The following STXBP5L variants were observed in gnomAD, a reference collection of about 807,000 sequenced individuals.
The protein encoded by STXBP5L is syntaxin-binding protein 5-like.
STXBP5L carries 65 observed loss-of-function variants against 144.5 expected under a neutral mutation model. The observed-to-expected ratio is 0.45, with a 90% CI of 0.37 to 0.55. The LOEUF (loss-of-function observed/expected upper bound fraction) is 0.55. Ranked by LOEUF, STXBP5L falls within the 20% of genes least tolerant of loss-of-function variation. The pLI is 0.00. For missense variants in STXBP5L, 1,298 were observed against 1,405.5 expected, an observed-to-expected ratio of 0.92 and a Z score of 1.22; for synonymous variants, 505 against 469.6, an observed-to-expected ratio of 1.08 and a Z score of -0.97.
intron 14 of STXBP5L, among the ~76,000 whole-genome samples, chr3:121,244,805 C>T (rs539867902): frequency 6.6e-6 from 1 of 151,774 alleles, no homozygotes; most frequent in Non-Finnish European, 1.5e-5. Flanking sequence ...AGAAAAAAAA[C>T]CCCACCAACT....
At chr3:120,952,258 G>A (rs1338885569) in intron 2 of STXBP5L, among the ~76,000 whole-genome samples, 1 of 152,022 alleles carries the variant, frequency 6.6e-6, no homozygotes, top group Non-Finnish European at 1.5e-5. Flanking sequence ...AGATTGCATT[G>A]ATTTTAATAT....
chr3:120,997,158 A>G (rs1185857992), intron 3 of STXBP5L, among the ~76,000 whole-genome samples: 13 of 152,130 alleles, frequency 8.5e-5, no homozygotes, highest in Non-Finnish European at 1.9e-4. Context: ...TCCATGGTGT[A>G]TATGTATCAC....
intron 3 of STXBP5L, among the ~76,000 whole-genome samples, chr3:120,982,692 G>T (rs1941901817): frequency 6.6e-6 from 1 of 152,196 alleles, no homozygotes; most frequent in Non-Finnish European, 1.5e-5. Context: ...TATATAGAGG[G>T]GGAGTGGCTC....
intron 22 of STXBP5L, among the ~76,000 whole-genome samples, chr3:121,401,991 A>T (rs1378081823): frequency 6.6e-6 from 1 of 152,198 alleles, no homozygotes; most frequent in Non-Finnish European, 1.5e-5. Flanking sequence ...TTGAAGACAA[A>T]AAGTGGTCAG....
Position 121,057,436 on chromosome 3 carries a change from T to G in STXBP5L, c.470+11901T>G, listed in dbSNP as rs72968854. Among the ~76,000 whole-genome samples the G allele has an allele frequency of 2.5e-3, 381 of 152,204 alleles. 2 individuals are homozygous for G. Among genetic ancestry groups the G allele is most frequent in the African/African-American group, 8.6e-3 (358 of 41,576 alleles). ...ACTTTGCCGTTGTGTAACAAACACCTAAATCAAGATACAGAAAATTACTAG... is the reference window on the plus strand; with the variant it reads ...ACTTTGCCGTTGTGTAACAAACACCGAAATCAAGATACAGAAAATTACTAG... On this transcript the variant is annotated intron_variant, in intron 5 of 26. Transcript: ENST00000471454.
At chr3:120,975,507 C>T (rs1191580480) in intron 3 of STXBP5L, among the ~76,000 whole-genome samples, 3 of 152,180 alleles carry the variant, frequency 2.0e-5, no homozygotes, top group African/African-American at 7.2e-5. Flanking sequence ...AATTTGACTT[C>T]CTCTTTTCCT....
intron 5 of STXBP5L, among the ~76,000 whole-genome samples, chr3:121,106,967 T>C (rs1311522857): frequency 2.0e-5 from 3 of 152,230 alleles, no homozygotes; most frequent in Non-Finnish European, 4.4e-5. Flanking sequence ...TACATTGTGG[T>C]TTTGATTTGC....
At chr3:121,210,822 T>C (rs2048532963) in intron 10 of STXBP5L, among the ~76,000 whole-genome samples, 1 of 152,230 alleles carries the variant, frequency 6.6e-6, no homozygotes, top group African/African-American at 2.4e-5. Context: ...CATGCTGTTT[T>C]GGTTACTGTA....
At chr3:121,254,372 A>T (rs1340807128) in intron 15 of STXBP5L, among the ~76,000 whole-genome samples, 1 of 152,168 alleles carries the variant, frequency 6.6e-6, no homozygotes, top group African/African-American at 2.4e-5. Context: ...ATAGTTACAG[A>T]TTCTTGGACT....
intron 19 of STXBP5L, among the ~76,000 whole-genome samples, chr3:121,288,302 G>A (rs1336900312): frequency 2.0e-5 from 3 of 152,078 alleles, no homozygotes; most frequent in East Asian, 1.9e-4. Flanking sequence ...GTAAACATAC[G>A]CATGCATGTG....
chr3:121,089,194 TG>T (rs1475571905), intron 5 of STXBP5L, among the ~76,000 whole-genome samples: 1 of 150,980 alleles, frequency 6.6e-6, no homozygotes, highest in Admixed American at 6.6e-5. Context: ...ATATTTTTAC[TG>T]TCTCTTTTTT....
intron 20 of STXBP5L, among the ~76,000 whole-genome samples, chr3:121,329,868 C>T (rs1243540617): frequency 6.6e-6 from 1 of 151,958 alleles, no homozygotes; most frequent in Non-Finnish European, 1.5e-5. Context: ...CCCCCACATT[C>T]CTCTTGCCGA....
At chr3:121,295,108 T>A (rs1350790624) in intron 19 of STXBP5L, among the ~76,000 whole-genome samples, 1 of 152,122 alleles carries the variant, frequency 6.6e-6, no homozygotes, top group African/African-American at 2.4e-5. Flanking sequence ...GGGGTTTTTT[T>A]AATTTTAGAG....
At chr3:121,380,334 ATATTTT>A (rs2046294096) in intron 21 of STXBP5L, among the ~76,000 whole-genome samples, 1 of 152,096 alleles carries the variant, frequency 6.6e-6, no homozygotes, top group African/African-American at 2.4e-5. Flanking sequence ...TAGGAATACT[ATATTTT>A]GTTTCCTAGA....
intron 3 of STXBP5L, among the ~76,000 whole-genome samples, chr3:120,958,983 C>T (rs542821270): frequency 6.6e-6 from 1 of 152,184 alleles, no homozygotes; most frequent in Non-Finnish European, 1.5e-5. Flanking sequence ...TTGCAGGTGA[C>T]ATGATTGTAT....
At chr3:121,267,331 A>G (rs1217429185) in intron 18 of STXBP5L, among the ~76,000 whole-genome samples, 1 of 152,212 alleles carries the variant, frequency 6.6e-6, no homozygotes, top group African/African-American at 2.4e-5. Flanking sequence ...TATTTAATAA[A>G]TGGTGTTGGG....
At chr3:121,131,874 A>G (rs2045006489) in intron 7 of STXBP5L, among the ~76,000 whole-genome samples, 2 of 152,178 alleles carry the variant, frequency 1.3e-5, no homozygotes, top group Admixed American at 1.3e-4. Context: ...GTAATTGAAA[A>G]GTTTCTGAAC....
At chr3:120,957,505 C>CT (rs959580580) in intron 3 of STXBP5L, among the ~76,000 whole-genome samples, 1 of 151,712 alleles carries the variant, frequency 6.6e-6, no homozygotes, top group Non-Finnish European at 1.5e-5. Flanking sequence ...TTGTAGTGTT[C>CT]TTTTTTGTTC....
chr3:121,278,865 T>C (rs2050962704), intron 18 of STXBP5L, among the ~76,000 whole-genome samples: 1 of 151,674 alleles, frequency 6.6e-6, no homozygotes, highest in Non-Finnish European at 1.5e-5. Flanking sequence ...CTGGAAGATG[T>C]AGAGCTCTAT....
Sources: gnomAD v4.1 joint callset for allele counts (sites outside exome capture counted in the v4.1 genomes callset) on GRCh38, gnomAD v4.1.1 for gene constraint, MANE v1.5 for transcripts, NCBI Gene and HGNC (gene_info 2026-07-23, HGNC 2026-07-21) for gene names.